The following SOBP variants were observed in gnomAD, a reference collection of about 807,000 sequenced individuals.
The protein encoded by SOBP is sine oculis-binding protein homolog.
A neutral mutation model predicts 53.6 loss-of-function variants in SOBP; 4 were observed. That is an observed-to-expected ratio of 0.07 (90% CI 0.04 to 0.17). SOBP has a LOEUF of 0.17. Ranked by LOEUF, SOBP falls within the 10% of genes least tolerant of loss-of-function variation. The probability of loss-of-function intolerance (pLI) is 1.00; values close to 1 mark genes in which losing one functional copy is unlikely to be tolerated. For synonymous variants in SOBP, 584 were observed against 522.6 expected, an observed-to-expected ratio of 1.12 and a Z score of -1.60; for missense variants, 1,088 against 1,204.7, an observed-to-expected ratio of 0.90 and a Z score of 1.43.
At chr6:107,607,561 T>C (rs1362648992) in intron 5 of SOBP, among the ~76,000 whole-genome samples, 6 of 152,190 alleles carry the variant, frequency 3.9e-5, no homozygotes, top group African/African-American at 1.4e-4. Context: ...GTACCTATTG[T>C]AGCAAGCATA....
chr6:107,586,232 C>T (rs758422432), intron 4 of SOBP, among the ~76,000 whole-genome samples: 1 of 152,166 alleles, frequency 6.6e-6, no homozygotes, highest in Non-Finnish European at 1.5e-5. Flanking sequence ...TTCAGGAGGC[C>T]AGGAAAGAGA....
intron 5 of SOBP, among the ~76,000 whole-genome samples, chr6:107,608,909 C>T (rs1786488554): frequency 6.6e-6 from 1 of 152,212 alleles, no homozygotes; most frequent in Non-Finnish European, 1.5e-5. Context: ...CATCAGAAAG[C>T]CCCTTAGCCT....
chr6:107,504,798 C>T (rs1413777202), intron 2 of SOBP, among the ~76,000 whole-genome samples: 1 of 152,196 alleles, frequency 6.6e-6, no homozygotes, highest in East Asian at 1.9e-4. Context: ...TTATGTTAAG[C>T]TTACTATGAA....
chr6:107,609,731 G>C (rs1385090452), intron 5 of SOBP, among the ~76,000 whole-genome samples: 1 of 152,234 alleles, frequency 6.6e-6, no homozygotes, highest in East Asian at 1.9e-4. Flanking sequence ...ATTAGGAAGA[G>C]GAGAGAGGTT....
chr6:107,560,674 C>G (rs770856252), intron 4 of SOBP, among the ~76,000 whole-genome samples: 43 of 152,072 alleles, frequency 2.8e-4, no homozygotes, highest in African/African-American at 9.7e-4. Context: ...TGTTAGTGTC[C>G]CCATTTTACA....
intron 3 of SOBP, among the ~76,000 whole-genome samples, chr6:107,530,065 A>G (rs373192453): frequency 3.0e-4 from 45 of 152,334 alleles, no homozygotes; most frequent in African/African-American, 1.1e-3. Context: ...AAAAATGCAC[A>G]GGCTGATGGC....
chr6:107,500,157 C>T (rs928082920), intron 1 of SOBP, among the ~76,000 whole-genome samples: 21 of 152,002 alleles, frequency 1.4e-4, no homozygotes, highest in Admixed American at 5.9e-4. Context: ...TTTGGGAGGC[C>T]GAAGCAGGTG....
At chr6:107,519,433 T>G (rs1783417075) in intron 3 of SOBP, among the ~76,000 whole-genome samples, 1 of 152,228 alleles carries the variant, frequency 6.6e-6, no homozygotes. Flanking sequence ...CTTCAAGTCC[T>G]CTTGGCCCCA....
rs141339225 is a variant in SOBP at position 107,617,455 on chromosome 6, G to A, written c.670-16059G>A. 1.8e-3 allele frequency among the ~76,000 whole-genome samples: 272 copies of A among 152,204 alleles called. 3 individuals carry two copies. Among genetic ancestry groups the A allele is most frequent in the African/African-American group, 5.7e-3 (235 of 41,536 alleles). On this transcript the variant is annotated intron_variant, in intron 5 of 6. Transcript: ENST00000317357. ...TTGGGTTGAACAGAGGGTTTGTGTCGCCTTTACTGTTGGTGATCATCAAAG... is the reference window on the plus strand; with the variant it reads ...TTGGGTTGAACAGAGGGTTTGTGTCACCTTTACTGTTGGTGATCATCAAAG...
intron 5 of SOBP, among the ~76,000 whole-genome samples, chr6:107,599,918 C>T (rs182915710): frequency 2.0e-5 from 3 of 152,272 alleles, no homozygotes; most frequent in Admixed American, 2.0e-4. Flanking sequence ...AGAATGTGGG[C>T]AAAATGTCGT....
At chr6:107,545,620 T>G (rs886266765) in intron 4 of SOBP, among the ~76,000 whole-genome samples, 3 of 152,148 alleles carry the variant, frequency 2.0e-5, no homozygotes, top group Admixed American at 6.5e-5. Context: ...CTGGGTGATG[T>G]GGACATGGAT....
chr6:107,509,731 G>A (rs754323783), intron 3 of SOBP: 3 of 152,160 alleles, frequency 2.0e-5, no homozygotes, highest in Non-Finnish European at 4.4e-5. Flanking sequence ...ATAAATATGC[G>A]AAGGGACAGA....
chr6:107,499,897 C>G (rs954509030), intron 1 of SOBP, among the ~76,000 whole-genome samples: 2 of 152,018 alleles, frequency 1.3e-5, no homozygotes, highest in Admixed American at 6.5e-5. Context: ...CTACTATTAC[C>G]TTTACTGTTT....
At chr6:107,560,998 A>C (rs1017225411) in intron 4 of SOBP, among the ~76,000 whole-genome samples, 4 of 152,146 alleles carry the variant, frequency 2.6e-5, no homozygotes, top group African/African-American at 9.7e-5. Context: ...AACACTTCTG[A>C]TGCATGCCCT....
Position 107,658,574 on chromosome 6 carries a change from G to A in SOBP, c.*371G>A, listed in dbSNP as rs1375371086. The A allele has an allele frequency of 6.6e-6, 1 of 152,650 alleles. No homozygotes were observed. Among genetic ancestry groups the A allele is most frequent in the Non-Finnish European group, 1.5e-5 (1 of 68,044 alleles). The allele number at this position is 152,650 out of a possible 1,614,324, so 9.5% of individuals were successfully genotyped here. ...TCTTCAAGGCTCAGCGACTGAGGCT[G>A]GAAGATGATATGGATTGGAACACAA... is the stretch of plus-strand genomic sequence containing the variant. On this transcript the variant is annotated 3_prime_UTR_variant, in exon 7 of 7. Coordinates refer to ENST00000317357, the MANE Select transcript of SOBP (RefSeq NM_018013.4).
chr6:107,617,394 C>T (rs1665743493), intron 5 of SOBP, among the ~76,000 whole-genome samples: 1 of 152,086 alleles, frequency 6.6e-6, no homozygotes, highest in Non-Finnish European at 1.5e-5. Flanking sequence ...GTGGAACCAG[C>T]CACCCTCTAA....
At chr6:107,502,052 A>G (rs1399053720) in intron 1 of SOBP, among the ~76,000 whole-genome samples, 2 of 152,194 alleles carry the variant, frequency 1.3e-5, no homozygotes, top group Non-Finnish European at 2.9e-5. Flanking sequence ...TTACGTGGGT[A>G]CTAAAGCAAA....
chr6:107,630,992 G>A (rs533345997), intron 5 of SOBP, among the ~76,000 whole-genome samples: 6 of 152,260 alleles, frequency 3.9e-5, no homozygotes, highest in African/African-American at 1.2e-4. Flanking sequence ...TGACAATTGG[G>A]ATAGATCTAT....
At chr6:107,514,833 T>C (rs1451099547) in intron 3 of SOBP, 1 of 152,200 alleles carries the variant, frequency 6.6e-6, no homozygotes, top group Non-Finnish European at 1.5e-5. Context: ...GGGTATGTTT[T>C]AATGTGCTTT....
Sources: gnomAD v4.1 joint callset for allele counts (sites outside exome capture counted in the v4.1 genomes callset) on GRCh38, gnomAD v4.1.1 for gene constraint, MANE v1.5 for transcripts, NCBI Gene and HGNC (gene_info 2026-07-23, HGNC 2026-07-21) for gene names.